Variants in MOCOS observed in about 807,000 individuals in gnomAD.
The protein encoded by MOCOS is human molybdenum cofactor sulfurase.
In MOCOS, 86 loss-of-function variants were observed where a neutral mutation model predicts 83.6. The ratio of observed to expected loss-of-function variants is 1.03; its 90% CI spans 0.86 to 1.23. The LOEUF is 1.23. Ranked by LOEUF, MOCOS falls within the 50% of genes most tolerant of loss-of-function variation. The probability of loss-of-function intolerance (pLI) is 0.00; values close to 1 mark genes in which losing one functional copy is unlikely to be tolerated. For missense variants in MOCOS, 1,120 were observed against 1,126.9 expected, an observed-to-expected ratio of 0.99 and a Z score of 0.09; for synonymous variants, 445 against 434.7, an observed-to-expected ratio of 1.02 and a Z score of -0.29.
At chr18:36,263,127 A>G (rs899188322) in intron 13 of MOCOS, among the ~76,000 whole-genome samples, 1 of 152,198 alleles carries the variant, frequency 6.6e-6, no homozygotes. Context: ...GCAAATGCTC[A>G]AAAGATGTTT....
chr18:36,188,360 A>G (rs1455083431), intron 1 of MOCOS, among the ~76,000 whole-genome samples: 1 of 152,234 alleles, frequency 6.6e-6, no homozygotes, highest in Non-Finnish European at 1.5e-5. Context: ...ATTAGACAAC[A>G]CCAAGATCAC....
chr18:36,241,662 C>G (rs534527701), intron 9 of MOCOS, among the ~76,000 whole-genome samples: 3 of 152,328 alleles, frequency 2.0e-5, no homozygotes, highest in African/African-American at 7.2e-5. Flanking sequence ...TTCACATTAC[C>G]CATCTGTGCT....
chr18:36,200,198 TG>T lies in MOCOS; in HGVS notation c.818del (p.Gly273AlafsTer13), dbSNP rs2091407309. ...AAGATCTTCGGGTTTCCTACAGGCCTGGGCGCTCTGCTGGTCCATAATCGTG... is the reference window on the plus strand; with the variant it reads ...AAGATCTTCGGGTTTCCTACAGGCCTGGCGCTCTGCTGGTCCATAATCGTG... ...FYKIFGFPTGLGALLVHNRAA... is the reference protein window; with the variant it reads ...FYKIFGFPTGXGALLVHNRAA... On this transcript the variant is annotated frameshift_variant, in exon 4 of 15. Transcript: ENST00000261326. LOFTEE classifies it high-confidence loss of function. 6.2e-7 allele frequency: 1 copy of T among 1,614,226 alleles called. No homozygotes were observed. The highest frequency in any genetic ancestry group is 1.3e-5 in the African/African-American group (1 of 75,062).
intron 3 of MOCOS, 122 bp from the exon 4 acceptor site, chr18:36,199,561 T>G: frequency 6.6e-7 from 1 of 1,504,652 alleles, no homozygotes; most frequent in Non-Finnish European, 9.1e-7. Flanking sequence ...ATTTCGCAGC[T>G]GTGGCAAACC....
chr18:36,213,180 C>G (rs2091461675), intron 6 of MOCOS, among the ~76,000 whole-genome samples, 186 bp from the exon 7 acceptor site: 1 of 152,230 alleles, frequency 6.6e-6, no homozygotes, highest in Non-Finnish European at 1.5e-5. Flanking sequence ...CAAGAAGCCA[C>G]TGTCTCCAGC....
chr18:36,251,980 C>T (rs529331347), intron 11 of MOCOS, among the ~76,000 whole-genome samples: 12 of 152,256 alleles, frequency 7.9e-5, no homozygotes, highest in South Asian at 2.1e-4. Flanking sequence ...ACATTTTTTT[C>T]ACATTCTTCT....
At chr18:36,202,574 A>C (rs2091418600) in intron 4 of MOCOS, among the ~76,000 whole-genome samples, 1 of 152,214 alleles carries the variant, frequency 6.6e-6, no homozygotes, top group Non-Finnish European at 1.5e-5. Flanking sequence ...TTGGTGTACA[A>C]AGTGCCCCCA....
chr18:36,200,274 G>T lies in MOCOS; in HGVS notation c.891G>T (p.Ala297=). 1.2e-6 allele frequency: 2 copies of T among 1,614,142 alleles called. No individual in the cohort carries two copies. The highest frequency in any genetic ancestry group is 1.7e-6 in the Non-Finnish European group (2 of 1,180,014). Residue 297 remains alanine, a synonymous_variant, in exon 4 of 15, where the codon GCG becomes GCT. Coordinates refer to ENST00000261326, the MANE Select transcript of MOCOS (RefSeq NM_017947.4). ...KTYFGGGTAS[A]YLAGEDFYIP... is the part of the protein sequence containing the mutation. ...ACTTTGGAGGAGGGACAGCCTCTGC[G>T]TACCTAGCAGGAGAAGACTTCTACA...
chr18:36,235,500 A>G (rs1431417180), intron 9 of MOCOS, among the ~76,000 whole-genome samples: 6 of 116,432 alleles, frequency 5.2e-5, no homozygotes, highest in Non-Finnish European at 1.1e-4. Flanking sequence ...CATGGTGTAT[A>G]TGTGCCACAT....
chr18:36,255,566 G>A (rs71365631), intron 11 of MOCOS, among the ~76,000 whole-genome samples: 2 of 152,190 alleles, frequency 1.3e-5, no homozygotes, highest in African/African-American at 4.8e-5. Context: ...CTGTGAAAGA[G>A]GAAGGGTCTT....
At chr18:36,208,822 G>A (rs1484814060) in intron 6 of MOCOS, among the ~76,000 whole-genome samples, 1 of 152,154 alleles carries the variant, frequency 6.6e-6, no homozygotes, top group Non-Finnish European at 1.5e-5. Context: ...AGGACTTCCA[G>A]TATTATGTTG....
intron 6 of MOCOS, among the ~76,000 whole-genome samples, chr18:36,206,115 G>C (rs1318049855): frequency 6.6e-6 from 1 of 152,082 alleles, no homozygotes; most frequent in Admixed American, 6.6e-5. Context: ...GGGCATTGGT[G>C]AACACCTTAG....
intron 9 of MOCOS, among the ~76,000 whole-genome samples, chr18:36,236,694 T>C (rs961826708): frequency 2.1e-5 from 3 of 141,708 alleles, no homozygotes; most frequent in African/African-American, 8.1e-5. Flanking sequence ...CTGATGGGGG[T>C]GGCATTGAAT....
In MOCOS at chr18:36,199,866, G is replaced by C. The variant is rs1359483057; in HGVS notation, c.483G>C (p.Val161=). 1.2e-6 allele frequency: 2 copies of C among 1,613,998 alleles called. No homozygotes were observed. Among genetic ancestry groups the C allele is most frequent in the Admixed American group, 1.7e-5 (1 of 60,018 alleles). ...CCTCCGTAGTGGGTATGCGGAACGT[G>C]ACCATGGCTATAAATGTCATATCCA... ...SHTSVVGMRN[V]TMAINVISTP... is the part of the protein sequence containing the mutation. Residue 161 remains valine (V), a synonymous_variant, in exon 4 of 15, where the codon GTG becomes GTC. Transcript: ENST00000261326.
chr18:36,191,172 C>G (rs905511330), intron 1 of MOCOS, among the ~76,000 whole-genome samples: 1 of 152,030 alleles, frequency 6.6e-6, no homozygotes, highest in Non-Finnish European at 1.5e-5. Context: ...TGAGGCCTCC[C>G]CAGCCATGAC....
At chr18:36,236,299 G>A (rs868217205) in intron 9 of MOCOS, among the ~76,000 whole-genome samples, 58 of 56,788 alleles carry the variant, frequency 1.0e-3, no homozygotes, top group Middle Eastern at 0.011. Context: ...ATCTTGAATT[G>A]ATTTTTGTAT....
At chr18:36,204,298 T>C (rs967876590) in intron 5 of MOCOS, among the ~76,000 whole-genome samples, 1 of 152,200 alleles carries the variant, frequency 6.6e-6, no homozygotes, top group African/African-American at 2.4e-5. Flanking sequence ...CTATTCTTGG[T>C]AACTCATCTA....
At chr18:36,223,991 C>T (rs564363796) in intron 9 of MOCOS, among the ~76,000 whole-genome samples, 3 of 152,098 alleles carry the variant, frequency 2.0e-5, no homozygotes, top group Non-Finnish European at 4.4e-5. Flanking sequence ...GCCACCATGC[C>T]TGGTCTAGAT....
intron 10 of MOCOS, among the ~76,000 whole-genome samples, chr18:36,250,650 A>G (rs1203580201): frequency 6.6e-6 from 1 of 152,224 alleles, no homozygotes; most frequent in Non-Finnish European, 1.5e-5. Flanking sequence ...TACATTTTGG[A>G]TAAACAAAAT....
Sources: gnomAD v4.1 joint callset for allele counts (sites outside exome capture counted in the v4.1 genomes callset) on GRCh38, gnomAD v4.1.1 for gene constraint, MANE v1.5 for transcripts, NCBI Gene and HGNC (gene_info 2026-07-23, HGNC 2026-07-21) for gene names.